The following GPCPD1 variants were observed in gnomAD, a reference collection of about 807,000 sequenced individuals.
GPCPD1 encodes the protein glycerophosphocholine phosphodiesterase GPCPD1.
In GPCPD1, 29 loss-of-function variants were observed where a neutral mutation model predicts 89.2. The observed-to-expected ratio is 0.33, with a 90% CI of 0.24 to 0.44. GPCPD1 has a LOEUF of 0.44. Ranked by LOEUF, GPCPD1 falls within the 20% of genes least tolerant of loss-of-function variation. GPCPD1 has a pLI of 1.00. For missense variants in GPCPD1, 594 were observed against 808.9 expected (o/e 0.73, Z 3.22); for synonymous variants, 258 against 266.3 (o/e 0.97, Z 0.30).
At chr20:5,564,045 GACA>G (rs1221225249) in intron 15 of GPCPD1, among the ~76,000 whole-genome samples, 1 of 152,070 alleles carries the variant, frequency 6.6e-6, no homozygotes, top group Non-Finnish European at 1.5e-5. Flanking sequence ...AGCAGAAAAA[GACA>G]ACGAGAAAGA....
chr20:5,566,538 T>C (rs1197389546), intron 14 of GPCPD1, among the ~76,000 whole-genome samples, 195 bp downstream of exon 14: 1 of 152,216 alleles, frequency 6.6e-6, no homozygotes. Context: ...AGCAATGCAA[T>C]GGTTACTATA....
chr20:5,580,027 A>G lies in GPCPD1; in HGVS notation c.454T>C (p.Leu152=). The change falls in exon 7 of 20, where the codon TTA becomes CTA. Residue 152 remains leucine, a synonymous_variant. Transcript: ENST00000379019. ...KPPVSITKKK[L]KKSRFRVKLT... ...TCATACCTAAATCTAGATTTTTTTA[A>G]TTTTTTCTTGGTTATTGACACAGGA... 6.5e-7 allele frequency: 1 copy of G among 1,544,084 alleles called. No homozygotes were observed. The highest frequency in any genetic ancestry group is 8.9e-7 in the Non-Finnish European group (1 of 1,120,602).
intron 4 of GPCPD1, among the ~76,000 whole-genome samples, chr20:5,589,747 T>G (rs1432440182): frequency 1.3e-5 from 2 of 152,216 alleles, no homozygotes; most frequent in African/African-American, 4.8e-5. Flanking sequence ...TGTAATAACT[T>G]ATTCTTTAAG....
chr20:5,599,400 G>C (rs1019953885), intron 2 of GPCPD1, among the ~76,000 whole-genome samples: 1 of 151,988 alleles, frequency 6.6e-6, no homozygotes, highest in Non-Finnish European at 1.5e-5. Context: ...CCAGGAGGCA[G>C]AGGTTGCAGT....
chr20:5,582,576 C>T (rs933208431), intron 6 of GPCPD1, among the ~76,000 whole-genome samples: 1 of 152,142 alleles, frequency 6.6e-6, no homozygotes. Context: ...CCTTTTGACT[C>T]CTACAGTACA....
At chr20:5,595,149 T>C (rs1415749004) in intron 3 of GPCPD1, among the ~76,000 whole-genome samples, 4 of 152,222 alleles carry the variant, frequency 2.6e-5, no homozygotes, top group East Asian at 3.8e-4. Context: ...CTCAAATGAT[T>C]GTATCATTTT....
At chr20:5,586,797 A>C (rs1346399765) in intron 4 of GPCPD1, among the ~76,000 whole-genome samples, 1 of 152,204 alleles carries the variant, frequency 6.6e-6, no homozygotes, top group Non-Finnish European at 1.5e-5. Context: ...TATTACATAT[A>C]TTTAAGAATA....
chr20:5,590,479 G>A (rs887435896), intron 4 of GPCPD1, among the ~76,000 whole-genome samples: 1 of 143,402 alleles, frequency 7.0e-6, no homozygotes, highest in Non-Finnish European at 1.5e-5. Context: ...GGAGGCGGAG[G>A]TTGCAGTGAG....
rs560911478 is a variant in GPCPD1, at chr20:5,584,329, T to C, written c.308-7A>G. 7.5e-7 allele frequency: 1 copy of C among 1,334,566 alleles called. No individual in the cohort carries two copies. Among genetic ancestry groups the C allele is most frequent in the Non-Finnish European group, 1.1e-6 (1 of 930,862 alleles). The allele number at this position is 1,334,566 out of a possible 1,614,324, so 82.7% of individuals were successfully genotyped here. A position where few individuals can be genotyped will look rare whatever the true frequency, so the allele number is the denominator to read the frequency against. On this transcript the variant is annotated splice_polypyrimidine_tract_variant and splice_region_variant and intron_variant, in intron 5 of 19. Transcript: ENST00000379019. ...TCAATAATAATTTCGCTTTCTAGAA[T>C]TTAAGGAAAATAGAAAATTTAGTTA...
rs141415828 is a variant in GPCPD1 at position 5,578,476 on chromosome 20, C to T, written c.609G>A (p.Pro203=). Residue 203 remains proline (P), a synonymous_variant, in exon 8 of 20, where the codon CCG becomes CCA. Transcript: ENST00000379019. ...DNEFKCRHSQ[P]ECGYGLQPDR... ...CAGGCTGCAAGCCATAACCACACTC[C>T]GGCTGTGAATGCCTGCACTTGAACT... The T allele has an allele frequency of 3.2e-4, 518 of 1,613,706 alleles. 1 individual carries two copies. Among genetic ancestry groups the T allele is most frequent in the African/African-American group, 4.9e-4 (37 of 74,934 alleles).
rs1406057334 is a variant in GPCPD1, at chr20:5,547,174, A to G, written c.*487T>C. The G allele has an allele frequency of 1.3e-5, 2 of 152,610 alleles. No individual in the cohort carries two copies. The highest frequency in any genetic ancestry group is 2.9e-5 in the Non-Finnish European group (2 of 68,036). 9.5% of individuals were successfully genotyped at this position (152,610 alleles called of 1,614,324 possible). On this transcript the variant is annotated 3_prime_UTR_variant, in exon 20 of 20. Coordinates refer to ENST00000379019, the MANE Select transcript of GPCPD1 (RefSeq NM_019593.5). The stretch of plus-strand genomic sequence containing the variant: ...ATGTCAACCCATGTAAAAAATACCT[A>G]TATACAAGATGGCACAAAGATTTGT...
At chr20:5,554,649 C>G (rs1179381404) in intron 19 of GPCPD1, among the ~76,000 whole-genome samples, 1 of 152,198 alleles carries the variant, frequency 6.6e-6, no homozygotes, top group Admixed American at 6.5e-5. Context: ...TGCACCTGGT[C>G]ACCCAAGAAC....
chr20:5,578,188 G>A (rs1383173372), intron 8 of GPCPD1, among the ~76,000 whole-genome samples, 192 bp downstream of exon 8: 1 of 152,192 alleles, frequency 6.6e-6, no homozygotes, highest in Non-Finnish European at 1.5e-5. Context: ...CAATACTGCT[G>A]TTCTCTTAAT....
At chr20:5,567,960 AATTT>A in intron 12 of GPCPD1, 1 of 154,122 alleles carries the variant, frequency 6.5e-6, no homozygotes, top group South Asian at 2.1e-4. Context: ...TACTATATAA[AATTT>A]ATTTCTGTAA....
At chr20:5,573,021 G>A (rs1986808355) in intron 11 of GPCPD1, among the ~76,000 whole-genome samples, 1 of 151,764 alleles carries the variant, frequency 6.6e-6, no homozygotes, top group South Asian at 2.1e-4. Flanking sequence ...ATAGGTATGA[G>A]CCACCACACT....
chr20:5,604,984 T>C (rs1228720901), intron 1 of GPCPD1, among the ~76,000 whole-genome samples: 1 of 151,938 alleles, frequency 6.6e-6, no homozygotes, highest in Non-Finnish European at 1.5e-5. Flanking sequence ...CTCAATAAAG[T>C]TTTTTTAAAA....
intron 5 of GPCPD1, chr20:5,585,268 A>G (rs1157665022): frequency 1.3e-5 from 2 of 152,158 alleles, no homozygotes; most frequent in African/African-American, 4.8e-5. Flanking sequence ...AAAATGTATT[A>G]AAACATACAA....
chr20:5,564,560 G>T (rs542295834), intron 15 of GPCPD1, among the ~76,000 whole-genome samples: 27 of 152,306 alleles, frequency 1.8e-4, no homozygotes, highest in African/African-American at 6.3e-4. Context: ...GGGTGTGTTG[G>T]CTCATGCCTG....
chr20:5,581,676 TA>T (rs1257849675), intron 6 of GPCPD1, among the ~76,000 whole-genome samples: 1 of 152,174 alleles, frequency 6.6e-6, no homozygotes, highest in Non-Finnish European at 1.5e-5. Flanking sequence ...AAAATGTTCA[TA>T]AATACCAGAG....
Sources: allele counts gnomAD v4.1 joint callset (sites outside exome capture counted in the v4.1 genomes callset), GRCh38; gene constraint gnomAD v4.1.1; transcripts MANE v1.5; gene names NCBI Gene and HGNC (gene_info 2026-07-23, HGNC 2026-07-21).